The following SOBP variants were observed in gnomAD, a reference collection of about 807,000 sequenced individuals.
SOBP encodes sine oculis-binding protein homolog.
In SOBP, 4 loss-of-function variants were observed where a neutral mutation model predicts 53.6. The observed-to-expected ratio is 0.07, with a 90% CI of 0.04 to 0.17. The LOEUF (loss-of-function observed/expected upper bound fraction) is 0.17, where lower values mean the gene tolerates loss of function less well. SOBP is among the 10% of genes least tolerant of loss of function. The pLI is 1.00. For missense variants in SOBP, 1,088 were observed against 1,204.7 expected (o/e 0.90, Z 1.43); for synonymous variants, 584 against 522.6 (o/e 1.12, Z -1.60).
At chr6:107,619,996 G>A (rs539246690) in intron 5 of SOBP, among the ~76,000 whole-genome samples, 2 of 152,194 alleles carry the variant, frequency 1.3e-5, no homozygotes, top group Non-Finnish European at 2.9e-5. Context: ...CTGTCAAGCT[G>A]GGTGAGACTT....
chr6:107,628,955 C>T (rs1770582057), intron 5 of SOBP, among the ~76,000 whole-genome samples: 1 of 152,192 alleles, frequency 6.6e-6, no homozygotes, highest in Non-Finnish European at 1.5e-5. Flanking sequence ...ACACTGAGCA[C>T]CCCTGCCCAC....
chr6:107,587,032 C>T (rs1269940805), intron 4 of SOBP, 48 bp from the exon 5 acceptor site: 1 of 1,416,286 alleles, frequency 7.1e-7, no homozygotes, highest in South Asian at 1.1e-5. Flanking sequence ...AGCTTTTTTT[C>T]TTCCATTATT....
chr6:107,626,378 A>G (rs1770462257), intron 5 of SOBP, among the ~76,000 whole-genome samples: 2 of 152,242 alleles, frequency 1.3e-5, no homozygotes, highest in Non-Finnish European at 2.9e-5. Context: ...TCCACAGCCC[A>G]TTGCCTTCTG....
Position 107,627,914 on chromosome 6 carries a change from C to T in SOBP, c.670-5600C>T, listed in dbSNP as rs74682152. Reference sequence around the variant, plus strand: ...ATGGTGAGCTTAGTGTTGGTGTGCCCTTCCCCATTTTGTGGGGGCTCTTCC... The same window carrying T: ...ATGGTGAGCTTAGTGTTGGTGTGCCTTTCCCCATTTTGTGGGGGCTCTTCC... On this transcript the variant is annotated intron_variant, in intron 5 of 6. Transcript: ENST00000317357. Among the ~76,000 whole-genome samples, 751 of 152,326 alleles carry T rather than the reference C, an allele frequency of 4.9e-3. 7 individuals carry two copies. Among genetic ancestry groups the T allele is most frequent in the African/African-American group, 0.017 (719 of 41,564 alleles).
chr6:107,635,177 C>T lies in SOBP; in HGVS notation c.2333C>T (p.Ser778Phe), dbSNP rs747709784. 1.9e-6 allele frequency: 3 copies of T among 1,613,794 alleles called. No homozygotes were observed. Among genetic ancestry groups the T allele is most frequent in the South Asian group, 1.1e-5 (1 of 91,082 alleles). ...TCGGTCAAGGAGAATAACTGTGCTT[C>T]CAACTGCCACCTGGACGGGGAGGCG... ...LESVKENNCASNCHLDGEAAK... is the reference protein window; with the variant it reads ...LESVKENNCAFNCHLDGEAAK... Residue 778 changes from serine to phenylalanine, a missense_variant, in exon 6 of 7, where the codon TCC (serine) becomes TTC (phenylalanine). This residue lies in a region of SOBP where 665 missense variants were observed against 629.7 expected (regional missense o/e 1.06). Transcript: ENST00000317357. This position sits in a 1 kb window ranked among gnomAD's most constrained non-coding sequence, Gnocchi z 4.5.
intron 4 of SOBP, among the ~76,000 whole-genome samples, chr6:107,577,984 G>T (rs1235816219): frequency 6.7e-6 from 1 of 150,104 alleles, no homozygotes; most frequent in Non-Finnish European, 1.5e-5. Context: ...TGAGGCAGGA[G>T]AATGGCGTGA....
chr6:107,501,931 T>C (rs1782851871), intron 1 of SOBP, among the ~76,000 whole-genome samples: 1 of 152,212 alleles, frequency 6.6e-6, no homozygotes, highest in African/African-American at 2.4e-5. Context: ...TAAAGCTTGA[T>C]GTGACTGACT....
At chr6:107,546,411 A>C (rs1784301921) in intron 4 of SOBP, among the ~76,000 whole-genome samples, 1 of 152,224 alleles carries the variant, frequency 6.6e-6, no homozygotes, top group South Asian at 2.1e-4. Context: ...TATGAAGGAA[A>C]TAAAGTATGA....
chr6:107,502,762 T>A (rs1005468037), intron 1 of SOBP, among the ~76,000 whole-genome samples: 43 of 152,150 alleles, frequency 2.8e-4, no homozygotes, highest in African/African-American at 5.5e-4. Context: ...GTTGATTTTT[T>A]AAAAAAAAAT....
At chr6:107,553,119 A>G (rs1784508353) in intron 4 of SOBP, among the ~76,000 whole-genome samples, 1 of 151,876 alleles carries the variant, frequency 6.6e-6, no homozygotes, top group South Asian at 2.1e-4. Context: ...ATAATAAAAA[A>G]GAAAAAGGAA....
At chr6:107,583,780 A>G (rs1359046176) in intron 4 of SOBP, among the ~76,000 whole-genome samples, 1 of 152,116 alleles carries the variant, frequency 6.6e-6, no homozygotes, top group African/African-American at 2.4e-5. Flanking sequence ...TACCATAGGG[A>G]CTACATCCTA....
intron 4 of SOBP, among the ~76,000 whole-genome samples, chr6:107,541,844 T>C (rs1410033168): frequency 2.0e-5 from 3 of 152,066 alleles, no homozygotes; most frequent in Non-Finnish European, 4.4e-5. Flanking sequence ...GCAATATAAA[T>C]TGATAACAAA....
chr6:107,521,796 C>T (rs1783496637), intron 3 of SOBP, among the ~76,000 whole-genome samples: 1 of 152,034 alleles, frequency 6.6e-6, no homozygotes, highest in Non-Finnish European at 1.5e-5. Context: ...AGTAAGGATG[C>T]TTTTCTTCTC....
chr6:107,648,196 A>G lies in SOBP; in HGVS notation c.*4-10011A>G, dbSNP rs144931699. 2.6e-5 allele frequency among the ~76,000 whole-genome samples: 4 copies of G among 152,264 alleles called. No individual in the cohort carries two copies. In the East Asian group the frequency reaches 5.8e-4, roughly 22 times the overall value. On this transcript the variant is annotated intron_variant, in intron 6 of 6. Coordinates refer to ENST00000317357, the MANE Select transcript of SOBP (RefSeq NM_018013.4). Reference sequence around the variant, plus strand: ...TCTTTTACCTAGAATGCCTCTGTTCATATAACATAGAGAAGTAACACACTT... The same window carrying G: ...TCTTTTACCTAGAATGCCTCTGTTCGTATAACATAGAGAAGTAACACACTT...
In SOBP at chr6:107,619,963, G is replaced by A. The variant is rs79843230; in HGVS notation, c.670-13551G>A. Among the ~76,000 whole-genome samples the A allele has an allele frequency of 5.8e-3, 886 of 152,268 alleles. 4 individuals are homozygous for A. The highest frequency in any genetic ancestry group is 0.02 in the African/African-American group (832 of 41,550). On this transcript the variant is annotated intron_variant, in intron 5 of 6. Coordinates refer to ENST00000317357, the MANE Select transcript of SOBP (RefSeq NM_018013.4). ...AGAGGGTAATACCTGGAAGGTTATG[G>A]TAAGGATTAAATCTGAGAAAGTCTG...
chr6:107,639,307 T>A (rs546998804), intron 6 of SOBP, among the ~76,000 whole-genome samples: 1 of 152,340 alleles, frequency 6.6e-6, no homozygotes, highest in Non-Finnish European at 1.5e-5. Flanking sequence ...GAAGTCTTAT[T>A]TGCTAGTTCT....
intron 3 of SOBP, among the ~76,000 whole-genome samples, chr6:107,512,762 T>C (rs936210690): frequency 6.6e-6 from 1 of 152,120 alleles, no homozygotes; most frequent in African/African-American, 2.4e-5. Context: ...AAACTATTAG[T>C]GTGATTGTTT....
rs2115145420 is a variant in SOBP, at chr6:107,634,292, C to G, written c.1448C>G (p.Ala483Gly). ...CTGCTGCCCCCGCCGCCTCCGGGCG[C>G]CCCGCTGCCGAGTCTTCCCTTCCCG... ...PGLLPPPPPG[A>G]PLPSLPFPPV... The change falls in exon 6 of 7, where the codon GCC (alanine) becomes GGC (glycine). Residue 483 changes from alanine to glycine, a missense_variant. Physicochemically the swap from Ala to Gly is moderately conservative, Grantham distance 60. Transcript: ENST00000317357. This position sits in a 1 kb window ranked among gnomAD's most constrained non-coding sequence, Gnocchi z 4.5. 6.4e-7 allele frequency: 1 copy of G among 1,562,518 alleles called. No homozygotes were observed. Among genetic ancestry groups the G allele is most frequent in the Non-Finnish European group, 8.6e-7 (1 of 1,160,692 alleles).
rs565156104 is a variant in SOBP, at chr6:107,500,730, T to A, written c.97-2927T>A. Among the ~76,000 whole-genome samples, 19 of 152,134 alleles carry A rather than the reference T, an allele frequency of 1.2e-4. No individual in the cohort carries two copies. In the South Asian group the frequency reaches 2.9e-3, roughly 23 times the overall value. On this transcript the variant is annotated intron_variant, in intron 1 of 6. Coordinates refer to ENST00000317357, the MANE Select transcript of SOBP (RefSeq NM_018013.4). The stretch of plus-strand genomic sequence containing the variant: ...TAGAGACGGATGGGGTTTCACCATG[T>A]TAGCCAGGATGGTCTCGATCTCCTG...
Sources: allele counts gnomAD v4.1 joint callset (sites outside exome capture counted in the v4.1 genomes callset), GRCh38; gene constraint gnomAD v4.1.1; regional missense constraint gnomAD v4.1.1; non-coding constraint Gnocchi (gnomAD v3.1); transcripts MANE v1.5; gene names NCBI Gene and HGNC (gene_info 2026-07-23, HGNC 2026-07-21).